Variants in FHIT observed in about 807,000 individuals in gnomAD.
The protein encoded by FHIT is fragile histidine triad diadenosine triphosphatase.
FHIT carries 19 observed loss-of-function variants against 17.9 expected under a neutral mutation model. That is an observed-to-expected ratio of 1.06 (90% confidence interval 0.74 to 1.56). The LOEUF (loss-of-function observed/expected upper bound fraction) is 1.56. FHIT is among the 40% of genes most tolerant of loss of function. The pLI, the probability that FHIT is intolerant of heterozygous loss-of-function variation, is 0.00. For missense variants in FHIT, 248 were observed against 189.2 expected, an observed-to-expected ratio of 1.31 and a Z score of -1.82; for synonymous variants, 81 against 69.7, an observed-to-expected ratio of 1.16 and a Z score of -0.81.
chr3:60,852,672 A>G (rs143743517), intron 3 of FHIT, among the ~76,000 whole-genome samples: 1 of 152,196 alleles, frequency 6.6e-6, no homozygotes, highest in East Asian at 1.9e-4. Context: ...GAAAGGATAT[A>G]GTGAGAATAA....
At chr3:60,204,450 TTTTTTTTGTTTTG>T (rs1242999136) in intron 5 of FHIT, among the ~76,000 whole-genome samples, 8 of 105,834 alleles carry the variant, frequency 7.6e-5, no homozygotes, top group African/African-American at 3.2e-4. Flanking sequence ...TCTGGTTTTT[TTTTTTTTGTTTTG>T]TTTTTTTAGT....
intron 5 of FHIT, among the ~76,000 whole-genome samples, chr3:60,482,144 C>T (rs946554024): frequency 2.0e-5 from 3 of 152,138 alleles, no homozygotes; most frequent in African/African-American, 7.2e-5. Context: ...AATATGTATG[C>T]AACCAATACA....
chr3:60,281,141 C>G (rs1000158863), intron 5 of FHIT, among the ~76,000 whole-genome samples: 2 of 83,816 alleles, frequency 2.4e-5, no homozygotes, highest in African/African-American at 4.5e-5. Flanking sequence ...AAAAATCTAA[C>G]AATATATGTA....
At chr3:60,994,934 C>G (rs2030543218) in intron 3 of FHIT, among the ~76,000 whole-genome samples, 1 of 152,150 alleles carries the variant, frequency 6.6e-6, no homozygotes, top group East Asian at 1.9e-4. Flanking sequence ...CTAAGAGAAT[C>G]TAGAAATCCA....
intron 8 of FHIT, 47 bp downstream of exon 8, chr3:59,922,299 C>T (rs763045114): frequency 3.6e-5 from 52 of 1,449,010 alleles, no homozygotes; most frequent in Admixed American, 1.0e-4. Context: ...GTCATCCCAC[C>T]GACAGTCCCC....
intron 5 of FHIT, among the ~76,000 whole-genome samples, chr3:60,413,774 C>A (rs978119059): frequency 2.0e-5 from 3 of 152,124 alleles, no homozygotes; most frequent in African/African-American, 7.2e-5. Context: ...AAAGCAAACA[C>A]ACAAAAAATG....
chr3:60,895,142 C>A (rs185673469), intron 3 of FHIT, among the ~76,000 whole-genome samples: 2 of 152,170 alleles, frequency 1.3e-5, no homozygotes, highest in Non-Finnish European at 2.9e-5. Context: ...CTTTGCCCAT[C>A]ATGTCATTAA....
chr3:60,163,387 AC>A (rs1323303140), intron 5 of FHIT, among the ~76,000 whole-genome samples: 2 of 151,532 alleles, frequency 1.3e-5, no homozygotes, highest in Non-Finnish European at 2.9e-5. Flanking sequence ...AGCCTGCATG[AC>A]CCCCTGGGAC....
intron 7 of FHIT, among the ~76,000 whole-genome samples, chr3:59,948,201 T>A (rs1706921757): frequency 6.6e-6 from 1 of 151,956 alleles, no homozygotes; most frequent in Non-Finnish European, 1.5e-5. Context: ...TAAGTATACG[T>A]TTGGTTTTTA....
chr3:60,109,253 G>A (rs572468775), intron 5 of FHIT, among the ~76,000 whole-genome samples: 1 of 152,222 alleles, frequency 6.6e-6, no homozygotes, highest in South Asian at 2.1e-4. Context: ...CAGCATAAAA[G>A]CCCAGTAAGA....
At position 60,016,486 on chromosome 3, in the gene FHIT, A is replaced by C. The variant is rs1700349890; in HGVS notation, c.104-2334T>G. ...GGCAACCTACTCACTCATCCATCCC[A>C]ACACTGCAGTCTCCTCTCAGTCCAG... On this transcript the variant is annotated intron_variant, in intron 5 of 9. Coordinates refer to ENST00000492590, the MANE Select transcript of FHIT (RefSeq NM_002012.4). 3.3e-5 allele frequency among the ~76,000 whole-genome samples: 5 copies of C among 152,168 alleles called. No homozygotes were observed. The South Asian group carries it at 1.0e-3, about 32-fold the overall frequency.
chr3:61,215,258 A>C (rs2039635059), intron 1 of FHIT, among the ~76,000 whole-genome samples: 1 of 151,496 alleles, frequency 6.6e-6, no homozygotes, highest in Admixed American at 6.6e-5. Context: ...ATATCTAGAA[A>C]ACCCCATCAC....
At chr3:59,959,531 T>A (rs1707565637) in intron 7 of FHIT, among the ~76,000 whole-genome samples, 1 of 152,188 alleles carries the variant, frequency 6.6e-6, no homozygotes, top group African/African-American at 2.4e-5. Context: ...AGGTAAGAGA[T>A]CTCATGACAG....
At chr3:60,482,266 G>C (rs545723878) in intron 5 of FHIT, among the ~76,000 whole-genome samples, 1 of 152,222 alleles carries the variant, frequency 6.6e-6, no homozygotes, top group South Asian at 2.1e-4. Context: ...AGATCAACAA[G>C]ACAGAAAATT....
chr3:60,160,918 T>C (rs1700912125), intron 5 of FHIT, among the ~76,000 whole-genome samples: 1 of 152,122 alleles, frequency 6.6e-6, no homozygotes, highest in Non-Finnish European at 1.5e-5. Flanking sequence ...CCTGATAATT[T>C]TCATTAAGAA....
chr3:60,870,318 T>C (rs1046940288), intron 3 of FHIT, among the ~76,000 whole-genome samples: 1 of 151,934 alleles, frequency 6.6e-6, no homozygotes, highest in Non-Finnish European at 1.5e-5. Flanking sequence ...AATATTAACA[T>C]GTTTATGGGT....
rs1386005689 is a variant in FHIT at position 59,902,398 on chromosome 3, A to C, written c.348+19948T>G. The stretch of plus-strand genomic sequence containing the variant: ...AAAAGAGTACAGAGTTTCCTCAAAA[A>C]TTAAAAATAGAATACCATATGATCT... On this transcript the variant is annotated intron_variant, in intron 8 of 9. Transcript: ENST00000492590. Among the ~76,000 whole-genome samples, 5 of 152,284 alleles carry C rather than the reference A, an allele frequency of 3.3e-5. 1 individual carries two copies. The East Asian group carries it at 7.7e-4, about 24-fold the overall frequency.
At chr3:60,461,056 C>A (rs748510661) in intron 5 of FHIT, among the ~76,000 whole-genome samples, 1 of 150,528 alleles carries the variant, frequency 6.6e-6, no homozygotes, top group Non-Finnish European at 1.5e-5. Flanking sequence ...AAGAAAACTC[C>A]CTTAACGTTA....
chr3:60,082,936 GGTA>G (rs1475729993), intron 5 of FHIT, among the ~76,000 whole-genome samples: 2 of 152,018 alleles, frequency 1.3e-5, no homozygotes, highest in Admixed American at 1.3e-4. Flanking sequence ...TTTCTCTGTT[GGTA>G]GTTTCTTTTG....
Sources: allele counts gnomAD v4.1 joint callset (sites outside exome capture counted in the v4.1 genomes callset), GRCh38; gene constraint gnomAD v4.1.1; transcripts MANE v1.5; gene names NCBI Gene and HGNC (gene_info 2026-07-23, HGNC 2026-07-21).